The following ATG9B variants were observed in gnomAD, a reference collection of about 807,000 sequenced individuals.
ATG9B encodes the protein autophagy-related protein 9B.
In ATG9B, 92 loss-of-function variants were observed where a neutral mutation model predicts 92.9. The observed-to-expected ratio is 0.99, with a 90% CI of 0.84 to 1.18. The LOEUF (loss-of-function observed/expected upper bound fraction) is 1.18, where lower values mean the gene tolerates loss of function less well. Among genes scored for constraint, ATG9B ranks in the 50% most tolerant of loss-of-function variants. The pLI is 0.00. For synonymous variants in ATG9B, 599 were observed against 551.4 expected, an observed-to-expected ratio of 1.09 and a Z score of -1.21; for missense variants, 1,344 against 1,235.0, an observed-to-expected ratio of 1.09 and a Z score of -1.32.
chr7:151,023,881 C>A lies in ATG9B; in HGVS notation c.543G>T (p.Gly181=), dbSNP rs767163896. The A allele has an allele frequency of 1.2e-6, 2 of 1,610,408 alleles. No homozygotes were observed. The highest frequency in any genetic ancestry group is 1.1e-5 in the South Asian group (1 of 90,452). The change falls in exon 1 of 14, where the codon GGG becomes GGT. Residue 181 remains glycine (G), a synonymous_variant. Transcript: ENST00000639579. ...EQQPLLHVPE[G]LRGSWHHIQN... ...CCACACCCACACACATACCTCGGAG[C>A]CCTTCAGGGACATGAAGCAGGGGTT... is the stretch of plus-strand genomic sequence containing the variant.
chr7:151,020,621 A>G (rs1301514985), intron 5 of ATG9B, among the ~76,000 whole-genome samples: 1 of 152,242 alleles, frequency 6.6e-6, no homozygotes, highest in Non-Finnish European at 1.5e-5. Flanking sequence ...ACTTAGATAC[A>G]GAGGAGGGAG....
Position 151,018,737 on chromosome 7 carries a change from A to T in ATG9B, c.1601T>A (p.Phe534Tyr), listed in dbSNP as rs1356312233. ...CAGCGCGGCGAAGAGTGCACCCGCGAAGAAAACGAGCTGGCGGGCCAGCAG... is the reference window on the plus strand; with the variant it reads ...CAGCGCGGCGAAGAGTGCACCCGCGTAGAAAACGAGCTGGCGGGCCAGCAG... ...RTLLARQLVFFAGALFAALLV... is the reference protein window; with the variant it reads ...RTLLARQLVFYAGALFAALLV... The change falls in exon 6 of 14, where the codon TTC (phenylalanine) becomes TAC (tyrosine). Residue 534 changes from phenylalanine to tyrosine, a missense_variant. Phe to Tyr is a conservative substitution (Grantham distance 22). Transcript: ENST00000639579. This position sits in a 1 kb window ranked among gnomAD's most constrained non-coding sequence, Gnocchi z 4.7. The T allele has an allele frequency of 7.0e-6, 11 of 1,576,652 alleles. No homozygotes were observed. The highest frequency in any genetic ancestry group is 8.6e-6 in the Non-Finnish European group (10 of 1,166,424).
rs1364508054 is a variant in ATG9B at position 151,021,175 on chromosome 7, C to G, written c.963+13G>C. The G allele has an allele frequency of 6.2e-7, 1 of 1,612,878 alleles. No individual in the cohort carries two copies. The highest frequency in any genetic ancestry group is 1.3e-5 in the African/African-American group (1 of 74,878). On this transcript the variant is annotated intron_variant, in intron 5 of 13. Coordinates refer to ENST00000639579, the MANE Select transcript of ATG9B (RefSeq NM_001317056.2). ...CACGGCACCCTCTGCACAGACACAG[C>G]CACCCAGCTCACCGGGGGGATGTGC...
chr7:151,023,934 C>T lies in ATG9B; in HGVS notation c.490G>A (p.Asp164Asn). 6.3e-7 allele frequency: 1 copy of T among 1,593,010 alleles called. No individual in the cohort carries two copies. The highest frequency in any genetic ancestry group is 2.3e-5 in the East Asian group (1 of 43,584). ...TGCTCCTCCCCGTGGATGGGTGAGT[C>T]TTGGGACCCCTCAGGGTCACAGTCC... ...LEDCDPEGSQDSPIHGEEQQP... is the reference protein window; with the variant it reads ...LEDCDPEGSQNSPIHGEEQQP... The change falls in exon 1 of 14, where the codon GAC becomes AAC. Residue 164 changes from aspartate to asparagine, a missense_variant. Transcript: ENST00000639579.
In ATG9B at chr7:151,021,220, C is replaced by G. The variant is rs992478444; in HGVS notation, c.931G>C (p.Val311Leu). ...CNLFSYWDIQ[V>L]FYREALHIPP... The stretch of plus-strand genomic sequence containing the variant: ...ATGTGCAGGGCCTCCCTGTAAAACA[C>G]CTGGATGTCCCAGTAGCTGAAGAGG... Residue 311 changes from valine to leucine, a missense_variant, in exon 5 of 14, where the codon GTG becomes CTG. Coordinates refer to ENST00000639579, the MANE Select transcript of ATG9B (RefSeq NM_001317056.2). 2 of 1,613,442 alleles carry G rather than the reference C, an allele frequency of 1.2e-6. No homozygotes were observed. Among genetic ancestry groups the G allele is most frequent in the Non-Finnish European group, 1.7e-6 (2 of 1,179,934 alleles).
chr7:151,019,051 G>C lies in ATG9B; in HGVS notation c.1287C>G (p.Gly429=). 2 of 1,538,168 alleles carry C rather than the reference G, an allele frequency of 1.3e-6. No individual in the cohort carries two copies. Among genetic ancestry groups the C allele is most frequent in the Middle Eastern group, 1.7e-4 (1 of 5,844 alleles). The change falls in exon 6 of 14, where the codon GGC becomes GGG. Residue 429 remains glycine (G), a synonymous_variant. Transcript: ENST00000639579. ...TGCGCCCCCAGCGCGCTGCTAGGGC[G>C]CCCCGCTGGTCGCTGCGCTTGTAGG... The part of the protein sequence containing the change: ...PHAYKRSDQR[G]ALAARWGRTV...
In ATG9B at chr7:151,018,972, A is replaced by T; in HGVS notation, c.1366T>A (p.Trp456Arg). 1 of 1,579,478 alleles carries T rather than the reference A, an allele frequency of 6.3e-7. No homozygotes were observed. The highest frequency in any genetic ancestry group is 8.6e-7 in the Non-Finnish European group (1 of 1,167,712). Residue 456 changes from tryptophan (W) to arginine (R), a missense_variant, in exon 6 of 14, where the codon TGG (tryptophan) becomes AGG (arginine). Physicochemically the swap from Trp to Arg is moderately radical, Grantham distance 101. Transcript: ENST00000639579. The surrounding 1 kb of genome is among the most constrained non-coding windows in gnomAD (Gnocchi z 4.7). ...NLALSPLVLA[W>R]QVLHVFYSHV... is the part of the protein sequence containing the mutation. ...CTATAGAAGACGTGCAGAACCTGCC[A>T]GGCCAGCACCAGCGGGCTCAGCGCC... is the stretch of plus-strand genomic sequence containing the variant.
rs754590107 is a variant in ATG9B, at chr7:151,018,366, G to C, written c.1800C>G (p.Leu600=). The change falls in exon 7 of 14, where the codon CTC becomes CTG. Residue 600 remains leucine (L), a synonymous_variant. Transcript: ENST00000639579. The surrounding 1 kb of genome is among the most constrained non-coding windows in gnomAD (Gnocchi z 4.7). ...LQTALAHMHY[L]PEEPGPGGRD... is the part of the protein sequence containing the mutation. The stretch of plus-strand genomic sequence containing the variant: ...TGCCGCCGGGGCCGGGCTCCTCCGG[G>C]AGGTAGTGCATGTGGGCCAGGGCTG... The C allele has an allele frequency of 4.0e-5, 64 of 1,599,236 alleles. No homozygotes were observed. In the Admixed American group the frequency reaches 1.1e-3, roughly 27 times the overall value.
chr7:151,013,608 G>A, downstream of ATG9B: 4 of 800,534 alleles, frequency 5.0e-6, no homozygotes, highest in Non-Finnish European at 6.8e-6. Context: ...CCCAGGGCAC[G>A]CAGGCCCCAC....
chr7:151,019,401 C>A, intron 5 of ATG9B, 27 bp from the exon 6 acceptor site: 1 of 1,498,040 alleles, frequency 6.7e-7, no homozygotes, highest in Non-Finnish European at 8.8e-7. Context: ...TGAGAGCCAG[C>A]GACCCCCCAT....
Position 151,016,436 on chromosome 7 carries a change from G to A in ATG9B, c.2515C>T (p.His839Tyr), listed in dbSNP as rs769244316. Residue 839 changes from histidine (H) to tyrosine (Y), a missense_variant, in exon 11 of 14, where the codon CAC becomes TAC. By Grantham distance (83) the His-to-Tyr change is moderately conservative. Coordinates refer to ENST00000639579, the MANE Select transcript of ATG9B (RefSeq NM_001317056.2). ...TTGGGCACCCCTCTACTCACCTGGT[G>A]CAGGTAGATGACATGGAGACTCATC... ...AEMSLHVIYL[H>Y]QLHQQQQQQE... 50 of 1,551,278 alleles carry A rather than the reference G, an allele frequency of 3.2e-5. No homozygotes were observed. Among genetic ancestry groups the A allele is most frequent in the Non-Finnish European group, 4.3e-5 (49 of 1,146,878 alleles).
rs767786371 is a variant in ATG9B at position 151,016,703 on chromosome 7, A to G, written c.2408T>C (p.Ile803Thr). 2 of 1,600,946 alleles carry G rather than the reference A, an allele frequency of 1.2e-6. No individual in the cohort carries two copies. Among genetic ancestry groups the G allele is most frequent in the East Asian group, 2.3e-5 (1 of 44,392 alleles). Residue 803 changes from isoleucine to threonine, a missense_variant, in exon 10 of 14, where the codon ATT becomes ACT. Transcript: ENST00000639579. The stretch of plus-strand genomic sequence containing the variant: ...CACTCCTCACCTGGGGTCCTGGGCA[A>G]TTCGGGAAATGGAGGCAAGGAGGCT... ...TASLLASISR[I>T]AQDPSSVSPG...
intron 4 of ATG9B, among the ~76,000 whole-genome samples, chr7:151,022,248 T>C (rs767321139): frequency 4.7e-5 from 7 of 148,202 alleles, no homozygotes; most frequent in Non-Finnish European, 9.0e-5. Flanking sequence ...GTCACTGTCT[T>C]AGCCTCCTGA....
downstream of ATG9B, chr7:151,013,677 C>T (rs1219311806): frequency 3.4e-6 from 5 of 1,455,344 alleles, no homozygotes; most frequent in Admixed American, 1.0e-4. Context: ...GGCTGCGCCC[C>T]CGCGCCCACC....
At chr7:151,016,357 C>T (rs1489228703) in intron 11 of ATG9B, 74 bp downstream of exon 11, 1 of 1,519,306 alleles carries the variant, frequency 6.6e-7, no homozygotes, top group Non-Finnish European at 8.9e-7. Flanking sequence ...TCCGTAGACT[C>T]CACCCCACCT....
Position 151,018,914 on chromosome 7 carries a change from G to C in ATG9B, c.1424C>G (p.Ala475Gly), listed in dbSNP as rs1795634926. ...GCGGGACCAGCCGCGCGCCCCCAGCGCGCCAGGCTCGCGCCGCAGCAGCTC... is the reference window on the plus strand; with the variant it reads ...GCGGGACCAGCCGCGCGCCCCCAGCCCGCCAGGCTCGCGCCGCAGCAGCTC... ...HVELLRREPG[A>G]LGARGWSRLA... is the part of the protein sequence containing the mutation. Residue 475 changes from alanine to glycine, a missense_variant, in exon 6 of 14, where the codon GCG becomes GGG. Physicochemically the swap from Ala to Gly is moderately conservative, Grantham distance 60. Transcript: ENST00000639579. This position sits in a 1 kb window ranked among gnomAD's most constrained non-coding sequence, Gnocchi z 4.7. 1 of 1,496,270 alleles carries C rather than the reference G, an allele frequency of 6.7e-7. No homozygotes were observed. Among genetic ancestry groups the C allele is most frequent in the East Asian group, 2.8e-5 (1 of 35,790 alleles). The allele number at this position is 1,496,270 out of a possible 1,614,324, so 92.7% of individuals were successfully genotyped here.
At position 151,016,788 on chromosome 7, in the gene ATG9B, G is replaced by A; in HGVS notation, c.2323C>T (p.Pro775Ser). The change falls in exon 10 of 14, where the codon CCT (proline) becomes TCT (serine). Residue 775 changes from proline (P) to serine (S), a missense_variant. Coordinates refer to ENST00000639579, the MANE Select transcript of ATG9B (RefSeq NM_001317056.2). Reference protein sequence around the residue: ...EAFLANLFVHPLLPPRDLSPT... With the variant: ...EAFLANLFVHSLLPPRDLSPT... ...CTCAGATCTCTCGGAGGCAGGAGAG[G>A]GTGCACGAAGAGGTTGGCCAGGAAG... 6.2e-7 allele frequency: 1 copy of A among 1,611,818 alleles called. No individual in the cohort carries two copies. Among genetic ancestry groups the A allele is most frequent in the Non-Finnish European group, 8.5e-7 (1 of 1,179,248 alleles).
downstream of ATG9B, chr7:151,013,373 C>A (rs758963869): frequency 1.2e-6 from 2 of 1,612,692 alleles, no homozygotes; most frequent in Non-Finnish European, 1.7e-6. Context: ...AACCTGACAA[C>A]CCCAAGGTGT....
chr7:151,013,714 C>G (rs1425548262), downstream of ATG9B: 1 of 1,584,690 alleles, frequency 6.3e-7, no homozygotes, highest in Non-Finnish European at 8.6e-7. Context: ...CTAACCCCGC[C>G]GCCCCGCAGA....
Sources: allele counts gnomAD v4.1 joint callset (sites outside exome capture counted in the v4.1 genomes callset), GRCh38; gene constraint gnomAD v4.1.1; non-coding constraint Gnocchi (gnomAD v3.1); transcripts MANE v1.5; gene names NCBI Gene and HGNC (gene_info 2026-07-23, HGNC 2026-07-21).